Variants in TAF5 observed in about 807,000 individuals in gnomAD.
TAF5 encodes the protein transcription initiation factor TFIID subunit 5.
TAF5 carries 20 observed loss-of-function variants against 80.9 expected under a neutral mutation model. The observed-to-expected ratio is 0.25, with a 90% CI of 0.17 to 0.36. TAF5 has a LOEUF of 0.36. TAF5 is among the 10% of genes least tolerant of loss of function. TAF5 has a pLI of 1.00. For synonymous variants in TAF5, 388 were observed against 406.4 expected, an observed-to-expected ratio of 0.95 and a Z score of 0.55; for missense variants, 863 against 1,029.4, an observed-to-expected ratio of 0.84 and a Z score of 2.21.
At chr10:103,387,827 C>A in intron 10 of TAF5, 129 bp downstream of exon 10, 1 of 1,121,514 alleles carries the variant, frequency 8.9e-7, no homozygotes, top group Non-Finnish European at 1.3e-6. Context: ...TGTCATCCTA[C>A]ATCAATCACT....
In TAF5 at chr10:103,378,164, A is replaced by G. The variant is rs936340681; in HGVS notation, c.798-71A>G. ...TTGAAAATATTCTGGGATGGTTTAT[A>G]AGTATATGGGGGAAAGGCAGATCCC... On this transcript the variant is annotated intron_variant, in intron 2 of 10. Coordinates refer to ENST00000369839, the MANE Select transcript of TAF5 (RefSeq NM_006951.5). This position sits in a 1 kb window ranked among gnomAD's most constrained non-coding sequence, Gnocchi z 4.1. The G allele has an allele frequency of 7.4e-7, 1 of 1,343,796 alleles. No individual in the cohort carries two copies. Among genetic ancestry groups the G allele is most frequent in the Non-Finnish European group, 1.0e-6 (1 of 968,832 alleles). 83.2% of individuals were successfully genotyped at this position (1,343,796 alleles called of 1,614,324 possible).
In TAF5 at chr10:103,368,480, C is replaced by T. The variant is rs772651566; in HGVS notation, c.491C>T (p.Pro164Leu). Residue 164 changes from proline (P) to leucine (L), a missense_variant, in exon 1 of 11, where the codon CCG becomes CTG. This residue lies in a region of TAF5 where 367 missense variants were observed against 335.5 expected (regional missense o/e 1.09). Transcript: ENST00000369839. The stretch of plus-strand genomic sequence containing the variant: ...CCTGGCCCTGCGGCCCCCGACCCTC[C>T]GGGCACTGGCGCTTCGGGGGCCACG... ...SAPGPAAPDPPGTGASGATVV... is the reference protein window; with the variant it reads ...SAPGPAAPDPLGTGASGATVV... 1.3e-6 allele frequency: 2 copies of T among 1,578,286 alleles called. No homozygotes were observed. Among genetic ancestry groups the T allele is most frequent in the African/African-American group, 1.4e-5 (1 of 73,584 alleles).
rs762017132 is a variant in TAF5 at position 103,388,180 on chromosome 10, G to A, written c.2360G>A (p.Arg787Gln). 9.9e-6 allele frequency: 16 copies of A among 1,613,812 alleles called. No homozygotes were observed. Among genetic ancestry groups the A allele is most frequent in the Admixed American group, 1.7e-5 (1 of 59,980 alleles). The change falls in exon 11 of 11, where the codon CGA becomes CAA. Residue 787 changes from arginine (R) to glutamine (Q), a missense_variant. Arg to Gln is a conservative substitution (Grantham distance 43). This residue lies in a region of TAF5 where 368 missense variants were observed against 461.7 expected (regional missense o/e 0.80). Coordinates refer to ENST00000369839, the MANE Select transcript of TAF5 (RefSeq NM_006951.5). The part of the protein sequence containing the change: ...STPVVHLHFT[R>Q]RNLVLAAGAY... ...CCAGTTGTACACCTTCATTTTACTC[G>A]AAGAAACCTGGTTCTAGCTGCAGGA...
chr10:103,373,631 T>C (rs1259918560), intron 2 of TAF5, 36 bp downstream of exon 2: 2 of 1,409,754 alleles, frequency 1.4e-6, no homozygotes, highest in Admixed American at 1.8e-5. Context: ...TATACACACA[T>C]ACGTAGTGTG....
At chr10:103,383,483 T>G (rs771532311) in intron 7 of TAF5, 116 bp downstream of exon 7, 1 of 1,011,390 alleles carries the variant, frequency 9.9e-7, no homozygotes, top group South Asian at 2.1e-5. Context: ...ATCTCATGGT[T>G]GTCTGACGTT....
chr10:103,377,707 A>G (rs531758714), intron 2 of TAF5, among the ~76,000 whole-genome samples: 10 of 152,342 alleles, frequency 6.6e-5, no homozygotes, highest in Admixed American at 3.9e-4. Flanking sequence ...CATGTTTCCA[A>G]TAAATATAGG....
chr10:103,371,371 A>G (rs1319010493), intron 1 of TAF5, among the ~76,000 whole-genome samples: 1 of 151,790 alleles, frequency 6.6e-6, no homozygotes, highest in Non-Finnish European at 1.5e-5. Context: ...TGACCTAATT[A>G]TAGATCATAA....
In TAF5 at chr10:103,373,961, G is replaced by T. The variant is rs537064360; in HGVS notation, c.797+366G>T. Among the ~76,000 whole-genome samples, 90 of 152,266 alleles carry T rather than the reference G, an allele frequency of 5.9e-4. 1 individual carries two copies. The highest frequency in any genetic ancestry group is 1.9e-3 in the African/African-American group (79 of 41,556). Reference sequence around the variant, plus strand: ...CTGGAGCAGAGAATGGGATGGGGGTGTGGTATACTATGAAGCTGGGAATTG... The same window carrying T: ...CTGGAGCAGAGAATGGGATGGGGGTTTGGTATACTATGAAGCTGGGAATTG... On this transcript the variant is annotated intron_variant, in intron 2 of 10. Transcript: ENST00000369839.
chr10:103,387,778 T>A, intron 10 of TAF5, 80 bp downstream of exon 10: 1 of 1,419,536 alleles, frequency 7.0e-7, no homozygotes, highest in Non-Finnish European at 9.6e-7. Flanking sequence ...TAAGTCCTTA[T>A]GTTTTAGGTT....
At chr10:103,385,595 G>A in intron 8 of TAF5, 105 bp downstream of exon 8, 1 of 1,287,130 alleles carries the variant, frequency 7.8e-7, no homozygotes, top group South Asian at 1.4e-5. Context: ...CATTATTGAG[G>A]TTCAACTTTC....
intron 10 of TAF5, 51 bp from the exon 11 acceptor site, chr10:103,387,955 G>A (rs768913011): frequency 2.2e-5 from 34 of 1,535,210 alleles, no homozygotes; most frequent in Middle Eastern, 3.4e-4. Context: ...CAAAATGTCC[G>A]AATGTAAATA....
At chr10:103,386,210 G>A (rs569517873) in intron 8 of TAF5, among the ~76,000 whole-genome samples, 40 of 152,070 alleles carry the variant, frequency 2.6e-4, no homozygotes, top group African/African-American at 9.4e-4. Flanking sequence ...AGGCCAAGGA[G>A]GGCAGATAAC....
In TAF5 at chr10:103,373,405, T is replaced by A. The variant is rs757864407; in HGVS notation, c.607T>A (p.Ser203Thr). The A allele has an allele frequency of 6.2e-7, 1 of 1,614,132 alleles. No individual in the cohort carries two copies. The highest frequency in any genetic ancestry group is 8.5e-7 in the Non-Finnish European group (1 of 1,180,008). Reference protein sequence around the residue: ...EDQPDVSAVLSAYNQQGDPTM... With the variant: ...EDQPDVSAVLTAYNQQGDPTM... ...CCAGCCAGATGTCAGTGCCGTGTTG[T>A]CAGCCTACAACCAACAAGGAGATCC... Residue 203 changes from serine to threonine, a missense_variant, in exon 2 of 11, where the codon TCA becomes ACA. Transcript: ENST00000369839.
Position 103,387,998 on chromosome 10 carries a change from C to T in TAF5, c.2186-8C>T, listed in dbSNP as rs1054970151. 4 of 1,609,710 alleles carry T rather than the reference C, an allele frequency of 2.5e-6. No individual in the cohort carries two copies. The Middle Eastern group carries it at 5.0e-4, about 199-fold the overall frequency. On this transcript the variant is annotated splice_polypyrimidine_tract_variant and splice_region_variant and intron_variant, in intron 10 of 10. Transcript: ENST00000369839. ...TGCAACTAATGGTTTCCTTTGACTT[C>T]CCCTTAGGTTCAATGGATAATACAG...
In TAF5 at chr10:103,380,012, C is replaced by T. The variant is rs2093378883; in HGVS notation, c.1406C>T (p.Ala469Val). The T allele has an allele frequency of 6.2e-7, 1 of 1,610,586 alleles. No individual in the cohort carries two copies. The highest frequency in any genetic ancestry group is 1.7e-5 in the Admixed American group (1 of 59,226). Reference protein sequence around the residue: ...PSICFYTFLNAYQGLTAVDVT... With the variant: ...PSICFYTFLNVYQGLTAVDVT... ...ATTTGTTTCTATACATTTCTCAATGCTTACCAGGTTGGTAAAAAAATTGGG... is the reference window on the plus strand; with the variant it reads ...ATTTGTTTCTATACATTTCTCAATGTTTACCAGGTTGGTAAAAAAATTGGG... Residue 469 changes from alanine to valine, a missense_variant, in exon 5 of 11, where the codon GCT (alanine) becomes GTT (valine). This residue lies in a region of TAF5 where 368 missense variants were observed against 461.7 expected (regional missense o/e 0.80). Coordinates refer to ENST00000369839, the MANE Select transcript of TAF5 (RefSeq NM_006951.5).
chr10:103,369,466 C>G (rs2093354104), intron 1 of TAF5, among the ~76,000 whole-genome samples: 1 of 152,040 alleles, frequency 6.6e-6, no homozygotes, highest in African/African-American at 2.4e-5. Context: ...TTAAGCGATT[C>G]TCCTGCCTCA....
In TAF5 at chr10:103,378,876, T is replaced by G. The variant is rs539674206; in HGVS notation, c.1113+326T>G. 6.6e-6 allele frequency among the ~76,000 whole-genome samples: 1 copy of G among 152,124 alleles called. No homozygotes were observed. Among genetic ancestry groups the G allele is most frequent in the African/African-American group, 2.4e-5 (1 of 41,420 alleles). On this transcript the variant is annotated intron_variant, in intron 3 of 10. Coordinates refer to ENST00000369839, the MANE Select transcript of TAF5 (RefSeq NM_006951.5). This position sits in a 1 kb window ranked among gnomAD's most constrained non-coding sequence, Gnocchi z 4.1. ...GGTTTCACCATGTTGGCCAGGCTGG[T>G]CTCGAACTCCTGACCTCAGATGATC...
chr10:103,368,421 C>T lies in TAF5; in HGVS notation c.432C>T (p.Thr144=), dbSNP rs1356788649. 1 of 1,575,650 alleles carries T rather than the reference C, an allele frequency of 6.3e-7. No individual in the cohort carries two copies. Among genetic ancestry groups the T allele is most frequent in the South Asian group, 1.1e-5 (1 of 88,146 alleles). The change falls in exon 1 of 11, where the codon ACC becomes ACT. Residue 144 remains threonine, a synonymous_variant. Transcript: ENST00000369839. The stretch of plus-strand genomic sequence containing the variant: ...TGGACAGCGCCGGCGCTGAGGTGAC[C>T]AGCGCGCTTCTCAGCCGGGTGACCG... ...GEVDSAGAEV[T]SALLSRVTAS...
intron 8 of TAF5, among the ~76,000 whole-genome samples, chr10:103,386,022 T>A (rs1387117030): frequency 8.9e-5 from 13 of 146,708 alleles, no homozygotes. Flanking sequence ...TTTTAAAAAA[T>A]AGTTAATTAA....
Sources: allele counts gnomAD v4.1 joint callset (sites outside exome capture counted in the v4.1 genomes callset), GRCh38; gene constraint gnomAD v4.1.1; regional missense constraint gnomAD v4.1.1; non-coding constraint Gnocchi (gnomAD v3.1); transcripts MANE v1.5; gene names NCBI Gene and HGNC (gene_info 2026-07-23, HGNC 2026-07-21).